The following ARHGEF11 variants were observed in gnomAD, a reference collection of about 807,000 sequenced individuals.
The protein encoded by ARHGEF11 is Rho guanine nucleotide exchange factor 11.
Under a neutral mutation model 193.7 loss-of-function variants are expected in ARHGEF11, and 55 were observed. The observed-to-expected ratio is 0.28, with a 90% CI of 0.23 to 0.36. The LOEUF (loss-of-function observed/expected upper bound fraction) is 0.36, where lower values mean the gene tolerates loss of function less well. ARHGEF11 is among the 10% of genes least tolerant of loss of function. The pLI, the probability that ARHGEF11 is intolerant of heterozygous loss-of-function variation, is 1.00. For synonymous variants in ARHGEF11, 693 were observed against 768.0 expected, an observed-to-expected ratio of 0.90 and a Z score of 1.62; for missense variants, 1,723 against 2,005.6, an observed-to-expected ratio of 0.86 and a Z score of 2.69.
intron 9 of ARHGEF11, 139 bp downstream of exon 9, chr1:156,969,859 C>T: frequency 1.2e-6 from 1 of 845,212 alleles, no homozygotes; most frequent in Non-Finnish European, 1.9e-6. Flanking sequence ...ATTTGTACTG[C>T]TTTCTCCCAT....
Position 156,948,708 on chromosome 1 carries a change from C to T in ARHGEF11, c.1926-210G>A. On this transcript the variant is annotated intron_variant, in intron 22 of 40. Transcript: ENST00000368194. This position sits in a 1 kb window ranked among gnomAD's most constrained non-coding sequence, Gnocchi z 4.2. ...CTACAAACTCCTCCTCTCTCCCCAG[C>T]CTAGCCTGATGGATGGACAGTCATC... 2.0e-6 allele frequency: 3 copies of T among 1,516,946 alleles called. No individual in the cohort carries two copies. The highest frequency in any genetic ancestry group is 2.6e-6 in the Non-Finnish European group (3 of 1,135,900). 94.0% of individuals were successfully genotyped at this position (1,516,946 alleles called of 1,614,324 possible). A position where few individuals can be genotyped will look rare whatever the true frequency, so the allele number is the denominator to read the frequency against.
At chr1:157,032,348 A>G (rs1478521692) in intron 1 of ARHGEF11, among the ~76,000 whole-genome samples, 2 of 148,416 alleles carry the variant, frequency 1.3e-5, no homozygotes, top group East Asian at 3.8e-4. Context: ...GAGAACATAA[A>G]AAGAGTTCGT....
rs557318595 is a variant in ARHGEF11 at position 156,951,683 on chromosome 1, C to T, written c.1815G>A (p.Val605=). ...TCTCAAAGTGCTGAATGATGTTCCT[C>T]ACATTGCCTGGTTTGACTAGAAGCA... is the stretch of plus-strand genomic sequence containing the variant. ...LSPVEVKPGN[V]RNIIQHFENN... The change falls in exon 22 of 41, where the codon GTG becomes GTA. Residue 605 remains valine (V), a synonymous_variant. Coordinates refer to ENST00000368194, the MANE Select transcript of ARHGEF11 (RefSeq NM_198236.3). 6.2e-7 allele frequency: 1 copy of T among 1,614,176 alleles called. No homozygotes were observed. The highest frequency in any genetic ancestry group is 1.7e-5 in the Admixed American group (1 of 60,022).
In ARHGEF11 at chr1:156,948,030, G is replaced by A; in HGVS notation, c.2154-74C>T. The A allele has an allele frequency of 1.3e-6, 2 of 1,565,278 alleles. No homozygotes were observed. Among genetic ancestry groups the A allele is most frequent in the African/African-American group, 2.7e-5 (2 of 74,088 alleles). On this transcript the variant is annotated intron_variant, in intron 24 of 40. Transcript: ENST00000368194. The surrounding 1 kb of genome is among the most constrained non-coding windows in gnomAD (Gnocchi z 4.2). The stretch of plus-strand genomic sequence containing the variant: ...CAGAGGGTTTGGCCCTCCCTCTCCT[G>A]CCCGACCTGCTTGCCCCATGCACAT...
intron 21 of ARHGEF11, among the ~76,000 whole-genome samples, chr1:156,952,540 G>A (rs553054513): frequency 2.0e-5 from 3 of 152,338 alleles, no homozygotes; most frequent in Admixed American, 2.0e-4. Context: ...AAGGACAAGG[G>A]GAAATGGGGA....
chr1:156,976,948 G>A (rs1349918346), intron 7 of ARHGEF11, 35 bp downstream of exon 7: 1 of 1,575,510 alleles, frequency 6.3e-7, no homozygotes, highest in Non-Finnish European at 8.7e-7. Flanking sequence ...ATTTCACTCA[G>A]GCAATGGCCA....
chr1:156,960,369 G>A, intron 15 of ARHGEF11, 49 bp downstream of exon 15: 3 of 1,600,536 alleles, frequency 1.9e-6, no homozygotes, highest in Non-Finnish European at 2.6e-6. Flanking sequence ...GAGAGCTCAG[G>A]ACAAGAAAGC....
At chr1:157,018,323 C>T (rs1422285952) in intron 1 of ARHGEF11, among the ~76,000 whole-genome samples, 2 of 152,050 alleles carry the variant, frequency 1.3e-5, no homozygotes, top group African/African-American at 4.8e-5. Context: ...CAGAAACTGA[C>T]AAATTGATTC....
chr1:156,936,525 TAA>T (rs1655354650), intron 40 of ARHGEF11, among the ~76,000 whole-genome samples: 3 of 110,514 alleles, frequency 2.7e-5, no homozygotes, highest in African/African-American at 1.1e-4. Flanking sequence ...TATATATATA[TAA>T]AATTAAAAAA....
chr1:157,015,128 C>T (rs1019912380), intron 1 of ARHGEF11, among the ~76,000 whole-genome samples: 1 of 152,150 alleles, frequency 6.6e-6, no homozygotes, highest in Non-Finnish European at 1.5e-5. Flanking sequence ...GACCACATAG[C>T]CAGTTAAACA....
At chr1:157,009,364 T>G (rs1668278855) in intron 1 of ARHGEF11, among the ~76,000 whole-genome samples, 1 of 152,210 alleles carries the variant, frequency 6.6e-6, no homozygotes, top group Non-Finnish European at 1.5e-5. Flanking sequence ...AGGCATATAT[T>G]AAGGTGCAGG....
At chr1:157,035,787 TA>T (rs1671857905) in intron 1 of ARHGEF11, among the ~76,000 whole-genome samples, 1 of 121,402 alleles carries the variant, frequency 8.2e-6, no homozygotes, top group Non-Finnish European at 1.8e-5. Context: ...AATATATATA[TA>T]TAGGAATATA....
chr1:156,939,812 G>A lies in ARHGEF11; in HGVS notation c.3832C>T (p.Pro1278Ser), dbSNP rs375668144. ...TGAGAGGTGACGCTGATGACAGAAG[G>A]TGTGGGTGTCAGGTCGTCCTCGGGC... The part of the protein sequence containing the change: ...QEPEDDLTPT[P>S]SVISVTSHPW... Residue 1278 changes from proline (P) to serine (S), a missense_variant, in exon 37 of 41, where the codon CCT becomes TCT. By Grantham distance (74) the Pro-to-Ser change is moderately conservative. This residue lies in a region of ARHGEF11 where 203 missense variants were observed against 237.3 expected (regional missense o/e 0.86). Transcript: ENST00000368194. The A allele has an allele frequency of 6.2e-7, 1 of 1,613,810 alleles. No individual in the cohort carries two copies. The highest frequency in any genetic ancestry group is 1.1e-5 in the South Asian group (1 of 91,090).
At chr1:156,958,625 G>A in intron 17 of ARHGEF11, 117 bp downstream of exon 17, 1 of 1,453,766 alleles carries the variant, frequency 6.9e-7, no homozygotes, top group Non-Finnish European at 9.4e-7. Flanking sequence ...CCATCTTTCA[G>A]GGGCAGGAGA....
At chr1:156,963,338 C>T (rs577551643) in intron 12 of ARHGEF11, 34 bp from the exon 13 acceptor site, 9 of 1,589,600 alleles carry the variant, frequency 5.7e-6, no homozygotes, top group Middle Eastern at 1.7e-4. Flanking sequence ...GGTGGGAAGC[C>T]GGGCACAGCA....
chr1:156,997,507 C>T (rs971115218), intron 1 of ARHGEF11, among the ~76,000 whole-genome samples: 1 of 152,176 alleles, frequency 6.6e-6, no homozygotes, highest in African/African-American at 2.4e-5. Context: ...GGCCCAGACA[C>T]CAGCTGCGGC....
intron 1 of ARHGEF11, among the ~76,000 whole-genome samples, chr1:157,042,069 C>G (rs1339464558): frequency 6.6e-6 from 1 of 152,108 alleles, no homozygotes; most frequent in Non-Finnish European, 1.5e-5. Context: ...ATTGAATAAG[C>G]CTACAGTTAA....
chr1:156,994,747 C>T (rs956577617), intron 1 of ARHGEF11, among the ~76,000 whole-genome samples: 1 of 152,186 alleles, frequency 6.6e-6, no homozygotes, highest in Non-Finnish European at 1.5e-5. Flanking sequence ...AAAATACTGG[C>T]ACAAGCTCAG....
intron 1 of ARHGEF11, among the ~76,000 whole-genome samples, chr1:157,008,996 TG>T (rs1234018035): frequency 6.6e-6 from 1 of 152,216 alleles, no homozygotes; most frequent in Non-Finnish European, 1.5e-5. Context: ...ACTACAAGAT[TG>T]CACTCAGGAG....
Sources: gnomAD v4.1 joint callset for allele counts (sites outside exome capture counted in the v4.1 genomes callset) on GRCh38, gnomAD v4.1.1 for gene constraint, gnomAD v4.1.1 regional missense constraint, Gnocchi (gnomAD v3.1) non-coding constraint, MANE v1.5 for transcripts, NCBI Gene and HGNC (gene_info 2026-07-23, HGNC 2026-07-21) for gene names.